VBP1: variants seen among roughly 807,000 people sequenced by gnomAD.
VBP1 encodes prefoldin subunit 3.
VBP1 carries 4 observed loss-of-function variants against 15.5 expected under a neutral mutation model. The ratio of observed to expected loss-of-function variants is 0.26; its 90% confidence interval spans 0.13 to 0.59. The LOEUF (loss-of-function observed/expected upper bound fraction) is 0.59. Among genes scored for constraint, VBP1 ranks in the 20% least tolerant of loss-of-function variants. VBP1 has a pLI of 0.90. For missense variants in VBP1, 108 were observed against 139.6 expected (o/e 0.77, Z 1.14); for synonymous variants, 61 against 52.1 (o/e 1.17, Z -0.74).
In VBP1 at chrX:155,238,863, G is replaced by A. The variant is rs781853693; in HGVS notation, c.*21G>A. ...CATAATGCTGGCAATTAAAAATGTG[G>A]TTTAGTTTTCCAAACATGTTATCTT... On this transcript the variant is annotated 3_prime_UTR_variant, in exon 6 of 6. Coordinates refer to ENST00000286428, the MANE Select transcript of VBP1 (RefSeq NM_003372.7). 134 of 1,173,555 alleles carry A rather than the reference G, an allele frequency of 1.1e-4. No homozygotes were observed. The Middle Eastern group carries it at 4.5e-3, about 40-fold the overall frequency.
chrX:155,224,571 C>T (rs782592249), intron 2 of VBP1, among the ~76,000 whole-genome samples: 131 of 112,029 alleles, frequency 1.2e-3, no homozygotes, highest in African/African-American at 4.0e-3. Flanking sequence ...AGCCTCGGCT[C>T]GGCATCAGAG....
intron 1 of VBP1, among the ~76,000 whole-genome samples, chrX:155,200,086 C>T (rs1348380348): frequency 1.0e-5 from 1 of 97,700 alleles, no homozygotes; most frequent in Non-Finnish European, 2.1e-5. Context: ...GCACCCAATA[C>T]AGGAGCACCC....
intron 2 of VBP1, among the ~76,000 whole-genome samples, chrX:155,223,343 C>T (rs1262388431): frequency 4.6e-5 from 5 of 107,680 alleles, no homozygotes; most frequent in Non-Finnish European, 9.6e-5. Context: ...GAGGGCCCTG[C>T]CGCCTTCCGC....
intron 1 of VBP1, among the ~76,000 whole-genome samples, chrX:155,207,475 A>G (rs1557308155): frequency 9.0e-6 from 1 of 111,604 alleles, no homozygotes; most frequent in Non-Finnish European, 1.9e-5. Flanking sequence ...AATTTCAAGG[A>G]TTTCTAGGCA....
chrX:155,228,610 C>T, intron 4 of VBP1, 128 bp downstream of exon 4: 1 of 529,323 alleles, frequency 1.9e-6, no homozygotes. Context: ...AAGTGTTCAT[C>T]TCCTTTTGAT....
intron 1 of VBP1, among the ~76,000 whole-genome samples, chrX:155,203,150 A>G (rs1252665860): frequency 9.0e-6 from 1 of 111,611 alleles, no homozygotes; most frequent in Admixed American, 9.5e-5. Context: ...GAACATTTTT[A>G]CACTGTTGGT....
intron 3 of VBP1, 82 bp downstream of exon 3, chrX:155,227,383 A>G: frequency 2.9e-6 from 2 of 696,844 alleles, no homozygotes; most frequent in Middle Eastern, 6.2e-4. Context: ...TTGGTCACTG[A>G]TATTTGATCT....
chrX:155,239,027 TC>T lies in VBP1; in HGVS notation c.*187del. The T allele has an allele frequency of 3.0e-6, 1 of 335,416 alleles. No homozygotes were observed. The highest frequency in any genetic ancestry group is 5.0e-6 in the Non-Finnish European group (1 of 198,667). The allele number at this position is 335,416 out of a possible 1,213,427, so 27.6% of individuals were successfully genotyped here. A position where few individuals can be genotyped will look rare whatever the true frequency, so the allele number is the denominator to read the frequency against. ...TATTTTTGACATTGTGATTTTTTTTTCCACATTTCTCAGCAAAGCTAATGGT... is the reference window on the plus strand; with the variant it reads ...TATTTTTGACATTGTGATTTTTTTTTCACATTTCTCAGCAAAGCTAATGGT... On this transcript the variant is annotated 3_prime_UTR_variant, in exon 6 of 6. Transcript: ENST00000286428.
chrX:155,207,978 C>T (rs182182844), intron 1 of VBP1, among the ~76,000 whole-genome samples: 20 of 111,878 alleles, frequency 1.8e-4, no homozygotes, highest in African/African-American at 6.2e-4. Context: ...AACCCTTAGC[C>T]TTTGGTTATG....
upstream of VBP1, among the ~76,000 whole-genome samples, chrX:155,213,872 T>C (rs1557308736): frequency 8.9e-6 from 1 of 112,596 alleles, no homozygotes; most frequent in East Asian, 2.7e-4. Context: ...GCTCTTGAGG[T>C]TATTTACATC....
At chrX:155,226,695 A>G (rs782378789) in intron 2 of VBP1, among the ~76,000 whole-genome samples, 15 of 112,271 alleles carry the variant, frequency 1.3e-4, no homozygotes, top group East Asian at 5.5e-4. Flanking sequence ...TGTATACCCA[A>G]TGCACACACC....
intron 1 of VBP1, among the ~76,000 whole-genome samples, chrX:155,208,319 CA>C (rs2124047748): frequency 8.9e-6 from 1 of 112,486 alleles, no homozygotes; most frequent in East Asian, 2.8e-4. Context: ...AAAGAGATGT[CA>C]AAGCCTTTCT....
intron 1 of VBP1, among the ~76,000 whole-genome samples, chrX:155,201,911 G>C (rs1286650022): frequency 1.8e-5 from 2 of 111,893 alleles, no homozygotes; most frequent in Non-Finnish European, 3.8e-5. Flanking sequence ...CTTCAGCAAA[G>C]TCTCAGGATA....
intron 1 of VBP1, among the ~76,000 whole-genome samples, chrX:155,205,725 C>T (rs782571512): frequency 1.9e-3 from 209 of 111,515 alleles, no homozygotes; most frequent in Middle Eastern, 4.6e-3. Context: ...ATCCTCCATG[C>T]TTCCTCTCTG....
intron 5 of VBP1, among the ~76,000 whole-genome samples, chrX:155,238,253 A>T: frequency 8.9e-6 from 1 of 112,189 alleles, no homozygotes; most frequent in Middle Eastern, 4.6e-3. Context: ...ACTGGAGTCT[A>T]AGCTCCACGA....
chrX:155,237,182 A>G (rs1346641927), intron 5 of VBP1, among the ~76,000 whole-genome samples: 1 of 111,360 alleles, frequency 9.0e-6, no homozygotes, highest in East Asian at 2.8e-4. Context: ...GGGGAAGGCA[A>G]GCTCTTTGCC....
intron 4 of VBP1, 45 bp downstream of exon 4, chrX:155,228,527 G>T: frequency 9.4e-7 from 1 of 1,062,680 alleles, no homozygotes; most frequent in African/African-American, 1.8e-5. Context: ...GTAAACCAGT[G>T]TGTTTTCTGT....
At chrX:155,217,286 C>T (rs1339997510) in intron 1 of VBP1, among the ~76,000 whole-genome samples, 3 of 112,099 alleles carry the variant, frequency 2.7e-5, no homozygotes, top group African/African-American at 9.7e-5. Flanking sequence ...TAGAGGGGAT[C>T]GGGTTGCTCC....
chrX:155,205,702 A>G (rs782277758), intron 1 of VBP1, among the ~76,000 whole-genome samples: 30 of 111,182 alleles, frequency 2.7e-4, no homozygotes, highest in African/African-American at 9.1e-4. Context: ...CTTCTCCCAG[A>G]GCAAAAGCCA....
Sources: gnomAD v4.1 joint callset for allele counts (sites outside exome capture counted in the v4.1 genomes callset) on GRCh38, gnomAD v4.1.1 for gene constraint, MANE v1.5 for transcripts, NCBI Gene and HGNC (gene_info 2026-07-23, HGNC 2026-07-21) for gene names.